DZIP3: variants seen among roughly 807,000 people sequenced by gnomAD.
The protein encoded by DZIP3 is E3 ubiquitin-protein ligase DZIP3.
Under a neutral mutation model 162.0 loss-of-function variants are expected in DZIP3, and 118 were observed. The ratio of observed to expected loss-of-function variants is 0.73; its 90% CI spans 0.63 to 0.85. DZIP3 has a LOEUF of 0.85. Among genes scored for constraint, DZIP3 ranks in the 40% least tolerant of loss-of-function variants. The probability of loss-of-function intolerance (pLI) is 0.00; values close to 1 mark genes in which losing one functional copy is unlikely to be tolerated. For missense variants in DZIP3, 1,331 were observed against 1,407.0 expected, an observed-to-expected ratio of 0.95 and a Z score of 0.86; for synonymous variants, 438 against 458.6, an observed-to-expected ratio of 0.96 and a Z score of 0.57.
intron 7 of DZIP3, 21 bp from the exon 8 acceptor site, chr3:108,629,041 T>A (rs766603773): frequency 2.7e-6 from 4 of 1,499,414 alleles, no homozygotes; most frequent in Non-Finnish European, 2.7e-6. Context: ...CAAACTAACC[T>A]TATTTTAAAA....
At chr3:108,657,744 C>T (rs979845411) in intron 19 of DZIP3, among the ~76,000 whole-genome samples, 2 of 152,086 alleles carry the variant, frequency 1.3e-5, no homozygotes, top group African/African-American at 2.4e-5. Flanking sequence ...TCAGGAAACC[C>T]ATCTCACGTG....
chr3:108,669,711 T>C lies in DZIP3; in HGVS notation c.2454T>C (p.Asn818=). 1 of 1,611,392 alleles carries C rather than the reference T, an allele frequency of 6.2e-7. No homozygotes were observed. Among genetic ancestry groups the C allele is most frequent in the Non-Finnish European group, 8.5e-7 (1 of 1,178,432 alleles). ...KLQRQIHAKD[N]EIKNLKEQLS... is the part of the protein sequence containing the mutation. The stretch of plus-strand genomic sequence containing the variant: ...AGCGTCAAATCCATGCTAAAGATAA[T>C]GAAATCAAGAACCTTAAAGAGCAAC... The change falls in exon 22 of 33, where the codon AAT becomes AAC. Residue 818 remains asparagine (N), a synonymous_variant. Coordinates refer to ENST00000361582, the MANE Select transcript of DZIP3 (RefSeq NM_014648.4).
intron 2 of DZIP3, among the ~76,000 whole-genome samples, chr3:108,607,088 G>A (rs2107487983): frequency 6.6e-6 from 1 of 152,246 alleles, no homozygotes; most frequent in Non-Finnish European, 1.5e-5. Flanking sequence ...TAGGGCAAGT[G>A]GGGCTTGGAA....
Position 108,694,423 on chromosome 3 carries a change from C to CAAAAG in DZIP3, c.*1074_*1078dup, listed in dbSNP as rs1216064804. ...GACATACCTGAGATTGGGCAATTTA[C>CAAAAG]AAAAGAAAGAGGTTTAACGGACTTA... On this transcript the variant is annotated 3_prime_UTR_variant, in exon 33 of 33. Coordinates refer to ENST00000361582, the MANE Select transcript of DZIP3 (RefSeq NM_014648.4). The CAAAAG allele has an allele frequency of 6.3e-6, 1 of 158,384 alleles. No homozygotes were observed. The highest frequency in any genetic ancestry group is 1.4e-5 in the Non-Finnish European group (1 of 73,240). The allele number at this position is 158,384 out of a possible 1,614,324, so 9.8% of individuals were successfully genotyped here. A position where few individuals can be genotyped will look rare whatever the true frequency, so the allele number is the denominator to read the frequency against.
intron 4 of DZIP3, 72 bp downstream of exon 4, chr3:108,611,401 T>C: frequency 6.4e-7 from 1 of 1,558,450 alleles, no homozygotes; most frequent in East Asian, 2.3e-5. Context: ...TAAAATTCTT[T>C]TTAAACCACA....
chr3:108,646,900 G>A (rs1222351161), intron 15 of DZIP3, among the ~76,000 whole-genome samples: 1 of 152,150 alleles, frequency 6.6e-6, no homozygotes, highest in Non-Finnish European at 1.5e-5. Context: ...AATTAGCCAG[G>A]TGTGGTGGCG....
intron 1 of DZIP3, among the ~76,000 whole-genome samples, chr3:108,594,158 A>G (rs141384154): frequency 1.1e-4 from 16 of 151,660 alleles, no homozygotes; most frequent in African/African-American, 3.9e-4. Context: ...TGTTATCTAT[A>G]TTTTTTTCTT....
At chr3:108,657,338 A>C (rs1191077444) in intron 19 of DZIP3, among the ~76,000 whole-genome samples, 2 of 152,280 alleles carry the variant, frequency 1.3e-5, no homozygotes, top group East Asian at 3.9e-4. Context: ...AATATTCAAC[A>C]TTCTTAAAGA....
At position 108,683,272 on chromosome 3, in the gene DZIP3, T is replaced by A. The variant is rs1335910586; in HGVS notation, c.2884-944T>A. On this transcript the variant is annotated intron_variant, in intron 26 of 32. Transcript: ENST00000361582. ...ATTTTTAATATCCAGTTAGAATTTT[T>A]GTTTCCCAGTTGTTTAAAAAATCTC... Among the ~76,000 whole-genome samples the A allele has an allele frequency of 4.9e-5, 7 of 144,044 alleles. No homozygotes were observed. In the East Asian group the frequency reaches 1.3e-3, roughly 28 times the overall value. The allele number at this position is 144,044 out of a possible 152,430, so 94.5% of individuals were successfully genotyped here.
At chr3:108,689,635 C>T (rs771393082) in intron 31 of DZIP3, among the ~76,000 whole-genome samples, 8 of 151,970 alleles carry the variant, frequency 5.3e-5, no homozygotes, top group Non-Finnish European at 1.0e-4. Flanking sequence ...TGCAGTGAGC[C>T]GAGATCGGGC....
intron 26 of DZIP3, among the ~76,000 whole-genome samples, chr3:108,678,879 G>T (rs1032630453): frequency 6.6e-6 from 1 of 152,052 alleles, no homozygotes; most frequent in Non-Finnish European, 1.5e-5. Flanking sequence ...AATTTGTATG[G>T]AGTTACACTG....
Position 108,605,353 on chromosome 3 carries a change from A to T in DZIP3, c.-54A>T. The T allele has an allele frequency of 6.2e-7, 1 of 1,611,526 alleles. No homozygotes were observed. Among genetic ancestry groups the T allele is most frequent in the Non-Finnish European group, 8.5e-7 (1 of 1,178,254 alleles). On this transcript the variant is annotated 5_prime_UTR_variant, in exon 2 of 33. Coordinates refer to ENST00000361582, the MANE Select transcript of DZIP3 (RefSeq NM_014648.4). ...CTTACAGCATTAAAGGGCAGTATTTAAAGTCAGTTGGCAAGCAGTGGAATA... is the reference window on the plus strand; with the variant it reads ...CTTACAGCATTAAAGGGCAGTATTTTAAGTCAGTTGGCAAGCAGTGGAATA...
chr3:108,659,356 C>G (rs1576432715), intron 19 of DZIP3, among the ~76,000 whole-genome samples: 1 of 151,018 alleles, frequency 6.6e-6, no homozygotes, highest in Admixed American at 6.6e-5. Flanking sequence ...ATCAATAAAT[C>G]CAGCATATAA....
intron 8 of DZIP3, among the ~76,000 whole-genome samples, chr3:108,631,092 CT>C (rs1262693279): frequency 6.7e-6 from 1 of 148,174 alleles, no homozygotes; most frequent in Admixed American, 6.8e-5. Flanking sequence ...CTCTCTCTCT[CT>C]CCTATCCTAC....
chr3:108,603,673 G>C (rs1486674873), intron 1 of DZIP3, among the ~76,000 whole-genome samples: 1 of 152,162 alleles, frequency 6.6e-6, no homozygotes, highest in Non-Finnish European at 1.5e-5. Context: ...CTCTCTCTCT[G>C]TGTATATATG....
intron 1 of DZIP3, among the ~76,000 whole-genome samples, chr3:108,590,589 G>T (rs1373403948): frequency 6.6e-6 from 1 of 151,904 alleles, no homozygotes; most frequent in Non-Finnish European, 1.5e-5. Context: ...TGCCAGTCAG[G>T]GAACAGAGAT....
intron 3 of DZIP3, among the ~76,000 whole-genome samples, chr3:108,608,436 T>C (rs1227149946): frequency 6.6e-6 from 1 of 152,144 alleles, no homozygotes; most frequent in African/African-American, 2.4e-5. Context: ...ACAATCATTT[T>C]TAAGAAATCC....
rs28463643 is a variant in DZIP3 at position 108,595,494 on chromosome 3, C to G, written c.-73+5655C>G. On this transcript the variant is annotated intron_variant, in intron 1 of 32. Coordinates refer to ENST00000361582, the MANE Select transcript of DZIP3 (RefSeq NM_014648.4). ...CCTTCCAAAGTGCTGGGATTACAGA[C>G]ATGAGCCACCACACCCACCTGTAAA... 5.8e-4 allele frequency among the ~76,000 whole-genome samples: 88 copies of G among 152,268 alleles called. No homozygotes were observed. In the East Asian group the frequency reaches 9.8e-3, roughly 17 times the overall value.
chr3:108,622,353 GA>G (rs1941393004), intron 5 of DZIP3, among the ~76,000 whole-genome samples: 1 of 152,138 alleles, frequency 6.6e-6, no homozygotes, highest in African/African-American at 2.4e-5. Context: ...CAATTTATCT[GA>G]TAGGATTCTG....
Sources: allele counts gnomAD v4.1 joint callset (sites outside exome capture counted in the v4.1 genomes callset), GRCh38; gene constraint gnomAD v4.1.1; transcripts MANE v1.5; gene names NCBI Gene and HGNC (gene_info 2026-07-23, HGNC 2026-07-21).